The following TYW1 variants were observed in gnomAD, a reference collection of about 807,000 sequenced individuals.
The protein encoded by TYW1 is S-adenosyl-L-methionine-dependent tRNA 4-demethylwyosine synthase TYW1.
A neutral mutation model predicts 96.2 loss-of-function variants in TYW1; 46 were observed. The observed-to-expected ratio is 0.48, with a 90% CI of 0.38 to 0.61. The LOEUF (loss-of-function observed/expected upper bound fraction) is 0.61, where lower values mean the gene tolerates loss of function less well. Ranked by LOEUF, TYW1 falls within the 20% of genes least tolerant of loss-of-function variation. The pLI, the probability that TYW1 is intolerant of heterozygous loss-of-function variation, is 0.00. For synonymous variants in TYW1, 274 were observed against 323.0 expected (o/e 0.85, Z 1.63); for missense variants, 684 against 909.6 (o/e 0.75, Z 3.19).
intron 13 of TYW1, among the ~76,000 whole-genome samples, chr7:67,175,229 T>C (rs1289872988): frequency 6.6e-6 from 1 of 150,448 alleles, no homozygotes; most frequent in East Asian, 1.9e-4. Flanking sequence ...TGGAGTGCGA[T>C]GGCGTGATCT....
At chr7:67,112,486 C>T (rs1381739134) in intron 12 of TYW1, among the ~76,000 whole-genome samples, 1 of 151,522 alleles carries the variant, frequency 6.6e-6, no homozygotes, top group Non-Finnish European at 1.5e-5. Flanking sequence ...TGTGGTGGTG[C>T]GTGCCTGTAG....
rs947341376 is a variant in TYW1, at chr7:67,142,408, CTAT to C, written c.1698+24798_1698+24800del. On this transcript the variant is annotated intron_variant, in intron 13 of 15. Coordinates refer to ENST00000359626, the MANE Select transcript of TYW1 (RefSeq NM_018264.4). ...TGTGAGCCACCACATCCAGCCAGTG[CTAT>C]TATTATTGTTATTTATTTTTTATAA... Among the ~76,000 whole-genome samples the C allele has an allele frequency of 5.3e-4, 81 of 151,884 alleles. 2 individuals carry two copies. Among genetic ancestry groups the C allele is most frequent in the Admixed American group, 2.0e-4 (3 of 15,230 alleles).
At position 67,186,304 on chromosome 7, in the gene TYW1, C is replaced by T. The variant is rs763040776; in HGVS notation, c.1809+3068C>T. ...CCTCTCCCCCCTCCTTTCTTACTTT[C>T]GCAGTCATGTTTTTCTATAAAGGAC... On this transcript the variant is annotated intron_variant, in intron 14 of 15. Coordinates refer to ENST00000359626, the MANE Select transcript of TYW1 (RefSeq NM_018264.4). Among the ~76,000 whole-genome samples, 17 of 102,546 alleles carry T rather than the reference C, an allele frequency of 1.7e-4. 1 individual carries two copies. The highest frequency in any genetic ancestry group is 3.0e-4 in the Non-Finnish European group (17 of 56,658). The allele number at this position is 102,546 out of a possible 152,430, so 67.3% of individuals were successfully genotyped here.
chr7:67,057,249 G>A (rs1280100429), intron 9 of TYW1, among the ~76,000 whole-genome samples: 2 of 151,910 alleles, frequency 1.3e-5, no homozygotes, highest in African/African-American at 4.8e-5. Flanking sequence ...TCTTGACCTC[G>A]TGATCTGCCC....
In TYW1 at chr7:67,046,367, C is replaced by T. The variant is rs1795187750; in HGVS notation, c.985-3582C>T. Reference sequence around the variant, plus strand: ...TGTGCTCGAGTTACCTGACCTACAACCTGGGGGTTCGTGGCAACTGAAATA... The same window carrying T: ...TGTGCTCGAGTTACCTGACCTACAATCTGGGGGTTCGTGGCAACTGAAATA... On this transcript the variant is annotated intron_variant, in intron 7 of 15. Coordinates refer to ENST00000359626, the MANE Select transcript of TYW1 (RefSeq NM_018264.4). Among the ~76,000 whole-genome samples the T allele has an allele frequency of 2.6e-5, 4 of 152,190 alleles. No homozygotes were observed. The South Asian group carries it at 8.3e-4, about 32-fold the overall frequency.
chr7:67,010,142 C>T (rs556647689), intron 4 of TYW1, among the ~76,000 whole-genome samples: 9 of 151,786 alleles, frequency 5.9e-5, no homozygotes. Flanking sequence ...ACCACCATGC[C>T]CAGCTAATTT....
At chr7:67,132,144 C>G (rs1351982779) in intron 13 of TYW1, among the ~76,000 whole-genome samples, 6 of 138,712 alleles carry the variant, frequency 4.3e-5, no homozygotes, top group Non-Finnish European at 7.7e-5. Context: ...GGGTCTTGCT[C>G]TGTTGCCCAG....
At chr7:67,221,954 T>C (rs979646613) in intron 15 of TYW1, among the ~76,000 whole-genome samples, 1 of 151,984 alleles carries the variant, frequency 6.6e-6, no homozygotes, top group Non-Finnish European at 1.5e-5. Context: ...TCCCAGCACT[T>C]TGGGAGGCCG....
intron 12 of TYW1, among the ~76,000 whole-genome samples, 179 bp from the exon 13 acceptor site, chr7:67,117,304 G>C (rs1052586081): frequency 1.3e-5 from 2 of 152,064 alleles, no homozygotes; most frequent in Non-Finnish European, 2.9e-5. Context: ...ATAACCAGAG[G>C]CCGTCCCATT....
chr7:67,019,890 C>A (rs577781129), intron 6 of TYW1, among the ~76,000 whole-genome samples: 2 of 152,292 alleles, frequency 1.3e-5, no homozygotes, highest in African/African-American at 2.4e-5. Context: ...ATGCAAATAG[C>A]ATTTTATGGC....
At chr7:67,116,631 G>C (rs988472740) in intron 12 of TYW1, among the ~76,000 whole-genome samples, 2 of 152,140 alleles carry the variant, frequency 1.3e-5, no homozygotes. Context: ...TGAGACTGCA[G>C]TGAGCTGTGA....
chr7:67,094,193 C>A (rs570087907), intron 11 of TYW1, among the ~76,000 whole-genome samples: 53 of 152,222 alleles, frequency 3.5e-4, no homozygotes, highest in African/African-American at 1.3e-3. Context: ...TTTATGGCTG[C>A]ATAGTATTCC....
At chr7:67,182,075 C>A (rs1444616458) in intron 13 of TYW1, among the ~76,000 whole-genome samples, 1 of 152,160 alleles carries the variant, frequency 6.6e-6, no homozygotes, top group Admixed American at 6.5e-5. Flanking sequence ...GTGATCCCCG[C>A]ACCTCGGCCT....
intron 14 of TYW1, among the ~76,000 whole-genome samples, chr7:67,191,261 T>C (rs1289241305): frequency 6.6e-6 from 1 of 152,124 alleles, no homozygotes; most frequent in African/African-American, 2.4e-5. Flanking sequence ...GTTTGAACGC[T>C]CAGATAGCCA....
chr7:67,051,739 T>G (rs1016391435), intron 8 of TYW1, among the ~76,000 whole-genome samples: 103 of 151,730 alleles, frequency 6.8e-4, no homozygotes, highest in African/African-American at 2.2e-3. Context: ...TTTGTTTTTT[T>G]TTTTTTTTCT....
intron 14 of TYW1, among the ~76,000 whole-genome samples, chr7:67,191,019 T>C (rs1649984236): frequency 6.6e-6 from 1 of 152,212 alleles, no homozygotes; most frequent in Admixed American, 6.5e-5. Context: ...CTGAGGCTAA[T>C]TTATAAAGAA....
chr7:67,232,985 C>T (rs1295329303), intron 15 of TYW1, among the ~76,000 whole-genome samples: 2 of 63,904 alleles, frequency 3.1e-5, no homozygotes, highest in Non-Finnish European at 6.0e-5. Flanking sequence ...GGTACCTCCT[C>T]AATCCATGCT....
Position 67,224,158 on chromosome 7 carries a change from G to A in TYW1, c.1978-14150G>A, listed in dbSNP as rs1247068026. On this transcript the variant is annotated intron_variant, in intron 15 of 15. Transcript: ENST00000359626. Reference sequence around the variant, plus strand: ...TTATTTATTTTTGAGACAGAGTTTCGCTCTGGTTGCCCAGGCTGGAGTGCA... The same window carrying A: ...TTATTTATTTTTGAGACAGAGTTTCACTCTGGTTGCCCAGGCTGGAGTGCA... Among the ~76,000 whole-genome samples the A allele has an allele frequency of 6.6e-5, 10 of 152,116 alleles. No individual in the cohort carries two copies. The South Asian group carries it at 1.0e-3, about 16-fold the overall frequency.
At chr7:67,104,303 G>A (rs1797173479) in intron 12 of TYW1, among the ~76,000 whole-genome samples, 1 of 152,210 alleles carries the variant, frequency 6.6e-6, no homozygotes, top group South Asian at 2.1e-4. Flanking sequence ...TGTACAGGAA[G>A]CACGGCAGGG....
Sources: allele counts gnomAD v4.1 joint callset (sites outside exome capture counted in the v4.1 genomes callset), GRCh38; gene constraint gnomAD v4.1.1; transcripts MANE v1.5; gene names NCBI Gene and HGNC (gene_info 2026-07-23, HGNC 2026-07-21).